The following UBE3C variants were observed in gnomAD, a reference collection of about 807,000 sequenced individuals.
UBE3C encodes the protein ubiquitin protein ligase E3C, also known as ubiquitin-protein ligase E3C.
In UBE3C, 42 loss-of-function variants were observed where a neutral mutation model predicts 129.4. The observed-to-expected ratio is 0.32, with a 90% confidence interval of 0.25 to 0.42. UBE3C has a LOEUF of 0.42. Ranked by LOEUF, UBE3C falls within the 10% of genes least tolerant of loss-of-function variation. UBE3C has a pLI of 1.00. For missense variants in UBE3C, 1,049 were observed against 1,319.1 expected (o/e 0.80, Z 3.17); for synonymous variants, 510 against 492.4 (o/e 1.04, Z -0.47).
At chr7:157,178,151 T>C (rs2116911081) in intron 5 of UBE3C, among the ~76,000 whole-genome samples, 1 of 152,260 alleles carries the variant, frequency 6.6e-6, no homozygotes, top group Non-Finnish European at 1.5e-5. Flanking sequence ...GCCCGACTGC[T>C]TGTGCTGCCC....
chr7:157,207,327 G>A (rs1809460020), intron 11 of UBE3C, 71 bp from the exon 12 acceptor site: 1 of 1,550,188 alleles, frequency 6.5e-7, no homozygotes, highest in Non-Finnish European at 8.7e-7. Flanking sequence ...TTGATGTTAT[G>A]TTTTAATTAG....
chr7:157,220,850 T>C, intron 15 of UBE3C, 74 bp downstream of exon 15: 1 of 1,506,880 alleles, frequency 6.6e-7, no homozygotes, highest in Non-Finnish European at 9.1e-7. Context: ...AATCTACAGA[T>C]CTGTTATTTT....
intron 22 of UBE3C, 82 bp downstream of exon 22, chr7:157,257,126 G>T: frequency 6.4e-7 from 1 of 1,554,124 alleles, no homozygotes; most frequent in Non-Finnish European, 8.7e-7. Context: ...GTTAAATGAA[G>T]TCCTTTTACA....
At chr7:157,256,852 T>C in intron 21 of UBE3C, 62 bp from the exon 22 acceptor site, 3 of 1,600,918 alleles carry the variant, frequency 1.9e-6, no homozygotes, top group Non-Finnish European at 2.6e-6. Context: ...GACCAATCCC[T>C]GTGGGTCCTG....
intron 1 of UBE3C, among the ~76,000 whole-genome samples, chr7:157,157,187 A>G (rs1254263201): frequency 6.6e-6 from 1 of 152,208 alleles, no homozygotes; most frequent in East Asian, 1.9e-4. Context: ...TAAAAAATTC[A>G]ATATACAGAA....
chr7:157,206,356 G>A (rs1207981850), intron 11 of UBE3C, among the ~76,000 whole-genome samples: 2 of 152,022 alleles, frequency 1.3e-5, no homozygotes, highest in East Asian at 1.9e-4. Flanking sequence ...TCCGCTGCTC[G>A]GGTTCAAGTG....
At chr7:157,162,335 CTG>C (rs1256370372) in intron 1 of UBE3C, among the ~76,000 whole-genome samples, 4 of 151,910 alleles carry the variant, frequency 2.6e-5, no homozygotes, top group Non-Finnish European at 5.9e-5. Context: ...GCTGGGACTA[CTG>C]GTATGTGCCA....
chr7:157,199,125 A>G (rs915592243), intron 10 of UBE3C, among the ~76,000 whole-genome samples: 2 of 152,250 alleles, frequency 1.3e-5, no homozygotes, highest in African/African-American at 4.8e-5. Context: ...TGGGTAGATA[A>G]GATGCCATGT....
chr7:157,246,261 C>T (rs574164486), intron 18 of UBE3C, among the ~76,000 whole-genome samples: 4 of 152,264 alleles, frequency 2.6e-5, no homozygotes, highest in African/African-American at 7.2e-5. Context: ...TTACTAAATA[C>T]GGTAACTGGT....
rs35221804 is a variant in UBE3C at position 157,193,661 on chromosome 7, C to CTTT, written c.1331+6654_1331+6656dup. Among the ~76,000 whole-genome samples, 364 of 140,724 alleles carry CTTT rather than the reference C, an allele frequency of 2.6e-3. 1 individual carries two copies. The highest frequency in any genetic ancestry group is 8.8e-3 in the African/African-American group (345 of 39,002). 92.3% of individuals were successfully genotyped at this position (140,724 alleles called of 152,430 possible). A position where few individuals can be genotyped will look rare whatever the true frequency, so the allele number is the denominator to read the frequency against. ...GACTAAATAACCTTCAGAAATTTGT[C>CTTT]TTTTTTTTTTTTTTTTGGTGAAAAC... is the stretch of plus-strand genomic sequence containing the variant. On this transcript the variant is annotated intron_variant, in intron 10 of 22. Transcript: ENST00000348165.
chr7:157,219,627 C>T (rs994552240), intron 14 of UBE3C, among the ~76,000 whole-genome samples: 5 of 152,112 alleles, frequency 3.3e-5, no homozygotes, highest in African/African-American at 9.7e-5. Context: ...GGTGGCTGGG[C>T]ACGGAGGCTC....
chr7:157,260,301 A>G (rs1796866470), intron 22 of UBE3C, among the ~76,000 whole-genome samples: 2 of 152,216 alleles, frequency 1.3e-5, no homozygotes, highest in African/African-American at 4.8e-5. Flanking sequence ...ACTTTGAGAC[A>G]GGGCCAGGAA....
At chr7:157,168,908 G>C in intron 2 of UBE3C, 140 bp from the exon 3 acceptor site, 1 of 613,112 alleles carries the variant, frequency 1.6e-6, no homozygotes, top group East Asian at 2.9e-5. Flanking sequence ...TGCATATTTA[G>C]TGGGTGTTAC....
At chr7:157,181,277 TC>T (rs953754476) in intron 6 of UBE3C, among the ~76,000 whole-genome samples, 1 of 152,216 alleles carries the variant, frequency 6.6e-6, no homozygotes, top group Non-Finnish European at 1.5e-5. Context: ...ATCTTAGACT[TC>T]CTTCCAAATG....
chr7:157,198,699 A>T (rs1352705413), intron 10 of UBE3C, among the ~76,000 whole-genome samples: 1 of 151,846 alleles, frequency 6.6e-6, no homozygotes, highest in Non-Finnish European at 1.5e-5. Flanking sequence ...CACACCTAGC[A>T]AATTTTTGTA....
intron 10 of UBE3C, 29 bp downstream of exon 10, chr7:157,187,050 G>A (rs1238278414): frequency 6.4e-7 from 1 of 1,560,992 alleles, no homozygotes. Context: ...CTGTGCCAGG[G>A]GGTGCCAGCC....
At chr7:157,251,637 C>T (rs1796622939) in intron 19 of UBE3C, among the ~76,000 whole-genome samples, 1 of 152,130 alleles carries the variant, frequency 6.6e-6, no homozygotes, top group African/African-American at 2.4e-5. Context: ...AATAGACTTT[C>T]TGGAGGAGCA....
chr7:157,264,479 C>T (rs1187524820), intron 22 of UBE3C, among the ~76,000 whole-genome samples: 1 of 131,454 alleles, frequency 7.6e-6, no homozygotes, highest in Non-Finnish European at 1.6e-5. Context: ...ACACACACAC[C>T]TGGTACTACA....
intron 22 of UBE3C, among the ~76,000 whole-genome samples, chr7:157,260,732 C>T (rs923030088): frequency 1.3e-4 from 20 of 152,160 alleles, no homozygotes; most frequent in Non-Finnish European, 2.1e-4. Context: ...GACCTGCTCC[C>T]ATCAAAACAC....
Sources: gnomAD v4.1 joint callset for allele counts (sites outside exome capture counted in the v4.1 genomes callset) on GRCh38, gnomAD v4.1.1 for gene constraint, MANE v1.5 for transcripts, NCBI Gene and HGNC (gene_info 2026-07-23, HGNC 2026-07-21) for gene names.